The following STON2 variants were observed in gnomAD, a reference collection of about 807,000 sequenced individuals.
The protein encoded by STON2 is stonin 2.
Under a neutral mutation model 65.7 loss-of-function variants are expected in STON2, and 29 were observed. That is an observed-to-expected ratio of 0.44 (90% CI 0.33 to 0.60). The LOEUF is 0.60. Among genes scored for constraint, STON2 ranks in the 20% least tolerant of loss-of-function variants. The probability of loss-of-function intolerance (pLI) is 0.03; values close to 1 mark genes in which losing one functional copy is unlikely to be tolerated. For synonymous variants in STON2, 404 were observed against 414.2 expected (o/e 0.98, Z 0.30); for missense variants, 1,054 against 1,118.1 (o/e 0.94, Z 0.82).
chr14:81,310,454 A>C (rs1896378846), intron 5 of STON2, among the ~76,000 whole-genome samples: 1 of 152,164 alleles, frequency 6.6e-6, no homozygotes. Flanking sequence ...TGTGAGCAGC[A>C]TCTCCTCCCC....
intron 3 of STON2, among the ~76,000 whole-genome samples, chr14:81,381,580 C>T (rs573233317): frequency 1.4e-4 from 21 of 147,134 alleles, no homozygotes; most frequent in African/African-American, 4.9e-4. Context: ...CTAGGAAATG[C>T]AATTTAAATC....
At chr14:81,434,411 A>C (rs138812942) in intron 1 of STON2, among the ~76,000 whole-genome samples, 1 of 152,272 alleles carries the variant, frequency 6.6e-6, no homozygotes, top group Non-Finnish European at 1.5e-5. Context: ...TCTTATCAAC[A>C]ACTGAAAGGG....
rs1259638940 is a variant in STON2 at position 81,262,338 on chromosome 14, C to T, written c.*6076G>A. On this transcript the variant is annotated 3_prime_UTR_variant, in exon 8 of 8. Transcript: ENST00000614646. ...TGTCCTCGTGTCTAGCCTTTCCTCC[C>T]TTTAGGGAAGCTGGCTGCTAACACA... The T allele has an allele frequency of 1.0e-6, 1 of 985,314 alleles. No homozygotes were observed. The highest frequency in any genetic ancestry group is 1.2e-6 in the Non-Finnish European group (1 of 829,930). 61.0% of individuals were successfully genotyped at this position (985,314 alleles called of 1,614,324 possible). A position where few individuals can be genotyped will look rare whatever the true frequency, so the allele number is the denominator to read the frequency against.
At chr14:81,405,522 G>GTTTTTTT (rs60663114) in intron 2 of STON2, among the ~76,000 whole-genome samples, 1 of 107,412 alleles carries the variant, frequency 9.3e-6, no homozygotes, top group Non-Finnish European at 1.8e-5. Context: ...CTTTCCTAAG[G>GTTTTTTT]TTTTTTTTTT....
At chr14:81,367,782 C>T (rs1357286994) in intron 4 of STON2, among the ~76,000 whole-genome samples, 8 of 152,192 alleles carry the variant, frequency 5.3e-5, no homozygotes. Flanking sequence ...TGGAGATATA[C>T]TACCTGTCAC....
At chr14:81,425,854 T>C (rs1402208711) in intron 2 of STON2, among the ~76,000 whole-genome samples, 1 of 152,226 alleles carries the variant, frequency 6.6e-6, no homozygotes, top group Non-Finnish European at 1.5e-5. Flanking sequence ...CATATGTGTA[T>C]AGTTACTATA....
intron 4 of STON2, among the ~76,000 whole-genome samples, chr14:81,350,144 T>C (rs764591056): frequency 6.6e-6 from 1 of 152,062 alleles, no homozygotes; most frequent in Non-Finnish European, 1.5e-5. Flanking sequence ...TTCTGTTTGG[T>C]AAGATGACTA....
At chr14:81,421,026 A>G (rs1595468330) in intron 2 of STON2, among the ~76,000 whole-genome samples, 1 of 152,190 alleles carries the variant, frequency 6.6e-6, no homozygotes, top group Non-Finnish European at 1.5e-5. Context: ...CGAGAGGCTC[A>G]GAAATGAGGT....
At chr14:81,403,551 G>A (rs1326675705), upstream of STON2, among the ~76,000 whole-genome samples, 2 of 152,074 alleles carry the variant, frequency 1.3e-5, no homozygotes, top group Non-Finnish European at 2.9e-5. Context: ...AGTGGCATGC[G>A]AACAATGGAA....
intron 5 of STON2, among the ~76,000 whole-genome samples, chr14:81,281,094 C>T (rs968340057): frequency 4.0e-5 from 6 of 151,672 alleles, no homozygotes; most frequent in Non-Finnish European, 7.4e-5. Context: ...CATATCCATA[C>T]CCACCCCAGA....
intron 2 of STON2, among the ~76,000 whole-genome samples, chr14:81,397,767 C>T (rs763945619): frequency 1.3e-4 from 20 of 152,138 alleles, no homozygotes; most frequent in Non-Finnish European, 2.2e-4. Context: ...TTTCCACGTG[C>T]CAGGCACTGC....
rs548232262 is a variant in STON2, at chr14:81,267,655, GAAGAAAACT to G, written c.*750_*758del. ...ATTTAATGTCTCTTTTCTCCAAAAT[GAAGAAAACT>G]AAGATTAATTTTGCCTTCCCCTCAA... is the stretch of plus-strand genomic sequence containing the variant. On this transcript the variant is annotated 3_prime_UTR_variant, in exon 8 of 8. Coordinates refer to ENST00000614646, the MANE Select transcript of STON2 (RefSeq NM_001394390.1). The G allele has an allele frequency of 2.2e-4, 214 of 985,336 alleles. No individual in the cohort carries two copies. The Middle Eastern group carries it at 4.2e-3, about 19-fold the overall frequency. The allele number at this position is 985,336 out of a possible 1,614,324, so 61.0% of individuals were successfully genotyped here. A position where few individuals can be genotyped will look rare whatever the true frequency, so the allele number is the denominator to read the frequency against.
intron 7 of STON2, 122 bp from the exon 8 acceptor site, chr14:81,268,619 C>G (rs528920023): frequency 2.4e-6 from 3 of 1,241,496 alleles, no homozygotes; most frequent in African/African-American, 3.1e-5. Context: ...ACATTTTGGG[C>G]GTTAGCCACA....
In STON2 at chr14:81,277,459, T is replaced by C; in HGVS notation, c.2023A>G (p.Ile675Val). ...ACTATTTCATTCCCTTTGACGAGGA[T>C]GTCATTGAGGCCCAGGCGGCACTCT... The part of the protein sequence containing the change: ...LAECRLGLND[I>V]LVKGNEIVLR... Residue 675 changes from isoleucine (I) to valine (V), a missense_variant, in exon 6 of 8, where the codon ATC (isoleucine) becomes GTC (valine). Transcript: ENST00000614646. The C allele has an allele frequency of 1.9e-6, 3 of 1,614,130 alleles. No homozygotes were observed. The highest frequency in any genetic ancestry group is 2.5e-6 in the Non-Finnish European group (3 of 1,180,016).
At chr14:81,429,640 A>G (rs1039976413) in intron 1 of STON2, among the ~76,000 whole-genome samples, 1 of 152,226 alleles carries the variant, frequency 6.6e-6, no homozygotes, top group Non-Finnish European at 1.5e-5. Flanking sequence ...GACAGCTTTA[A>G]GAAGTCATCT....
chr14:81,278,411 C>A lies in STON2; in HGVS notation c.1071G>T (p.Thr357=). ...QKLDISSLNR[T]PSVTEASPWR... is the part of the protein sequence containing the mutation. ...AAGGTGAAGCCTCAGTTACAGAAGG[C>A]GTGCGGTTTAAAGAGGAAATATCCA... The change falls in exon 6 of 8, where the codon ACG becomes ACT. Residue 357 remains threonine, a synonymous_variant. Coordinates refer to ENST00000614646, the MANE Select transcript of STON2 (RefSeq NM_001394390.1). 1.9e-6 allele frequency: 3 copies of A among 1,614,162 alleles called. No homozygotes were observed. Among genetic ancestry groups the A allele is most frequent in the Admixed American group, 1.7e-5 (1 of 60,018 alleles).
chr14:81,360,168 A>T (rs887793224), intron 4 of STON2, among the ~76,000 whole-genome samples: 36 of 152,336 alleles, frequency 2.4e-4, no homozygotes, highest in Admixed American at 6.5e-4. Context: ...AACATTTCCA[A>T]ACTCTTTTAA....
At chr14:81,340,929 A>C (rs1226366133) in intron 4 of STON2, among the ~76,000 whole-genome samples, 3 of 151,620 alleles carry the variant, frequency 2.0e-5, no homozygotes. Context: ...ATACATGTTA[A>C]TATATTAATA....
At chr14:81,274,802 G>A (rs1442015376) in intron 6 of STON2, among the ~76,000 whole-genome samples, 2 of 152,006 alleles carry the variant, frequency 1.3e-5, no homozygotes, top group Non-Finnish European at 2.9e-5. Context: ...CTACTCAGAA[G>A]ACTGATGCAG....
Sources: allele counts gnomAD v4.1 joint callset (sites outside exome capture counted in the v4.1 genomes callset), GRCh38; gene constraint gnomAD v4.1.1; transcripts MANE v1.5; gene names NCBI Gene and HGNC (gene_info 2026-07-23, HGNC 2026-07-21).